KRT3: variants seen among roughly 807,000 people sequenced by gnomAD.
KRT3 encodes keratin 3.
A neutral mutation model predicts 45.8 loss-of-function variants in KRT3; 34 were observed. The ratio of observed to expected loss-of-function variants is 0.74; its 90% CI spans 0.57 to 0.99. The LOEUF (loss-of-function observed/expected upper bound fraction) is 0.99. Among genes scored for constraint, KRT3 ranks in the 50% least tolerant of loss-of-function variants. The probability of loss-of-function intolerance (pLI) is 0.00; values close to 1 mark genes in which losing one functional copy is unlikely to be tolerated. For synonymous variants in KRT3, 367 were observed against 329.0 expected, an observed-to-expected ratio of 1.12 and a Z score of -1.25; for missense variants, 828 against 820.6, an observed-to-expected ratio of 1.01 and a Z score of -0.11.
intron 4 of KRT3, 59 bp downstream of exon 4, chr12:52,792,652 C>T (rs1352821072): frequency 1.5e-6 from 2 of 1,310,488 alleles, no homozygotes; most frequent in East Asian, 2.3e-5. Context: ...ATGCACCAGC[C>T]TCAAATCTGG....
At chr12:52,792,634 A>C (rs1939547509) in intron 4 of KRT3, 77 bp downstream of exon 4, 1 of 1,137,968 alleles carries the variant, frequency 8.8e-7, no homozygotes, top group African/African-American at 1.5e-5. Flanking sequence ...TGGGGCCTAT[A>C]TACCAAAATG....
chr12:52,790,159 G>C lies in KRT3; in HGVS notation c.1770C>G (p.Gly590=). 5 of 1,547,932 alleles carry C rather than the reference G, an allele frequency of 3.2e-6. No homozygotes were observed. Among genetic ancestry groups the C allele is most frequent in the Non-Finnish European group, 4.4e-6 (5 of 1,146,816 alleles). ...CTCCATAGCGGGCGCCAGAGATGGA[G>C]CCAAAGCCGCTGCCACCGCTGAAAC... The part of the protein sequence containing the change: ...SSGFSGGSGF[G]SISGARYGVS... Residue 590 remains glycine, a synonymous_variant, in exon 9 of 9, where the codon GGC becomes GGG. Coordinates refer to ENST00000417996, the MANE Select transcript of KRT3 (RefSeq NM_057088.3).
Position 52,793,486 on chromosome 12 carries a change from T to C in KRT3, c.867-263A>G, listed in dbSNP as rs59299907. On this transcript the variant is annotated intron_variant, in intron 2 of 8. Coordinates refer to ENST00000417996, the MANE Select transcript of KRT3 (RefSeq NM_057088.3). ...CCCAGGCAAACCTCTGGATGGTTGATCACCATACCATGAGTTGTCCCAGAA... is the reference window on the plus strand; with the variant it reads ...CCCAGGCAAACCTCTGGATGGTTGACCACCATACCATGAGTTGTCCCAGAA... 7.5e-3 allele frequency among the ~76,000 whole-genome samples: 1,147 copies of C among 152,312 alleles called. 14 individuals are homozygous for C. The highest frequency in any genetic ancestry group is 0.026 in the African/African-American group (1,091 of 41,558).
Position 52,795,404 on chromosome 12 carries a change from A to G in KRT3, c.639T>C (p.Ile213=), listed in dbSNP as rs1331442527. The G allele has an allele frequency of 1.2e-6, 2 of 1,614,118 alleles. No homozygotes were observed. Among genetic ancestry groups the G allele is most frequent in the Non-Finnish European group, 1.7e-6 (2 of 1,180,018 alleles). The change falls in exon 1 of 9, where the codon ATT becomes ATC. Residue 213 remains isoleucine, a synonymous_variant. Transcript: ENST00000417996. ...KTLNNKFASF[I]DKVRFLEQQN... ...CCAGTCAAAGCTTCATTACCTTGTC[A>G]ATGAAGGAGGCAAACTTGTTGTTGA...
rs764590850 is a variant in KRT3 at position 52,791,760 on chromosome 12, C to T, written c.1245G>A (p.Lys415=). Residue 415 remains lysine (K), a synonymous_variant, in exon 6 of 9, where the codon AAG becomes AAA. Coordinates refer to ENST00000417996, the MANE Select transcript of KRT3 (RefSeq NM_057088.3). ...GRHGDDLRNT[K]SEIIELNRMI... is the part of the protein sequence containing the mutation. ...TTCTGTTGAGCTCTATGATCTCGCTCTTGGTATTTCTTAGGTCATCCCCAT... is the reference window on the plus strand; with the variant it reads ...TTCTGTTGAGCTCTATGATCTCGCTTTTGGTATTTCTTAGGTCATCCCCAT... 1.9e-6 allele frequency: 3 copies of T among 1,614,006 alleles called. No homozygotes were observed. Among genetic ancestry groups the T allele is most frequent in the African/African-American group, 2.7e-5 (2 of 74,908 alleles).
At chr12:52,792,844 T>G (rs757664364) in intron 3 of KRT3, 38 bp from the exon 4 acceptor site, 2 of 1,357,990 alleles carry the variant, frequency 1.5e-6, no homozygotes, top group Non-Finnish European at 2.1e-6. Flanking sequence ...ATTCTCCCAA[T>G]GAACAAACAG....
At position 52,795,582 on chromosome 12, in the gene KRT3, C is replaced by A; in HGVS notation, c.461G>T (p.Ser154Ile). 6.2e-7 allele frequency: 1 copy of A among 1,606,384 alleles called. No individual in the cohort carries two copies. The highest frequency in any genetic ancestry group is 8.5e-7 in the Non-Finnish European group (1 of 1,176,006). The change falls in exon 1 of 9, where the codon AGC (serine) becomes ATC (isoleucine). Residue 154 changes from serine (S) to isoleucine (I), a missense_variant. Transcript: ENST00000417996. ...GGSGGFGGPG[S>I]LGSPGGFGPG... The stretch of plus-strand genomic sequence containing the variant: ...GCCAAAGCCACCAGGACTGCCCAAG[C>A]TGCCAGGCCCACCAAAGCCACCAGA...
Position 52,789,987 on chromosome 12 carries a change from G to T in KRT3, c.*55C>A, listed in dbSNP as rs1479626078. Reference sequence around the variant, plus strand: ...GCGCTGGGGGTGTTGCCAATATGGGGGCGTGGGGAGCGGAGGGGAGGCGCT... The same window carrying T: ...GCGCTGGGGGTGTTGCCAATATGGGTGCGTGGGGAGCGGAGGGGAGGCGCT... On this transcript the variant is annotated 3_prime_UTR_variant, in exon 9 of 9. Transcript: ENST00000417996. The T allele has an allele frequency of 6.7e-7, 1 of 1,502,766 alleles. No homozygotes were observed. The highest frequency in any genetic ancestry group is 9.0e-7 in the Non-Finnish European group (1 of 1,115,542). 93.1% of individuals were successfully genotyped at this position (1,502,766 alleles called of 1,614,324 possible). A position where few individuals can be genotyped will look rare whatever the true frequency, so the allele number is the denominator to read the frequency against.
Position 52,792,789 on chromosome 12 carries a change from A to G in KRT3, c.945T>C (p.Tyr315=). Residue 315 remains tyrosine, a synonymous_variant, in exon 4 of 9, where the codon TAT becomes TAC. Transcript: ENST00000417996. ...VTLKKDVDSA[Y]MNKVELQAKV... ...TGGCCTGAAGCTCCACCTTGTTCATATAGGCACTGTCCACATCCTGAGAAA... is the reference window on the plus strand; with the variant it reads ...TGGCCTGAAGCTCCACCTTGTTCATGTAGGCACTGTCCACATCCTGAGAAA... The G allele has an allele frequency of 3.7e-6, 6 of 1,612,412 alleles. No individual in the cohort carries two copies. The highest frequency in any genetic ancestry group is 4.2e-6 in the Non-Finnish European group (5 of 1,178,434).
intron 4 of KRT3, 140 bp from the exon 5 acceptor site, chr12:52,792,543 T>A: frequency 1.0e-6 from 1 of 1,001,632 alleles, no homozygotes; most frequent in Non-Finnish European, 1.6e-6. Flanking sequence ...CCGCAGCCAC[T>A]CAGAGAACCC....
chr12:52,793,346 G>A (rs1340867735), intron 2 of KRT3, 123 bp from the exon 3 acceptor site: 5 of 651,082 alleles, frequency 7.7e-6, no homozygotes, highest in Admixed American at 2.4e-5. Context: ...CCTCTCAGAT[G>A]AGCACATCCT....
Position 52,791,432 on chromosome 12 carries a change from G to A in KRT3, c.1315-6C>T. 1 of 1,613,890 alleles carries A rather than the reference G, an allele frequency of 6.2e-7. No homozygotes were observed. Among genetic ancestry groups the A allele is most frequent in the Non-Finnish European group, 8.5e-7 (1 of 1,179,864 alleles). ...GCCGTCTGCAGGTTGGCATTCTGGGGCAAGGGAGGTAGGAGGAATGAGCTC... is the reference window on the plus strand; with the variant it reads ...GCCGTCTGCAGGTTGGCATTCTGGGACAAGGGAGGTAGGAGGAATGAGCTC... On this transcript the variant is annotated splice_region_variant and splice_polypyrimidine_tract_variant and intron_variant, in intron 6 of 8. Transcript: ENST00000417996.
At position 52,794,303 on chromosome 12, in the gene KRT3, A is replaced by G; in HGVS notation, c.674T>C (p.Val225Ala). 1 of 1,614,114 alleles carries G rather than the reference A, an allele frequency of 6.2e-7. No homozygotes were observed. Residue 225 changes from valine to alanine, a missense_variant, in exon 2 of 9, where the codon GTC becomes GCC. Physicochemically the swap from Val to Ala is moderately conservative, Grantham distance 64 (BLOSUM62 0). Transcript: ENST00000417996. Reference protein sequence around the residue: ...KVRFLEQQNKVLETKWNLLQQ... With the variant: ...KVRFLEQQNKALETKWNLLQQ... ...GAGCAGGTTCCACTTGGTCTCCAGG[A>G]CTTTGTTCTGTTGCTCCAGGAACCG...
Position 52,795,714 on chromosome 12 carries a change from C to A in KRT3, c.329G>T (p.Gly110Val). The change falls in exon 1 of 9, where the codon GGT (glycine) becomes GTT (valine). Residue 110 changes from glycine (G) to valine (V), a missense_variant. Gly to Val is a moderately radical substitution (Grantham distance 109, BLOSUM62 -3). Coordinates refer to ENST00000417996, the MANE Select transcript of KRT3 (RefSeq NM_057088.3). ...GCCACCTCCCATTCCTCTGCCACCA[C>A]CAAAGCCACCACCAAAGCCACCTCC... Reference protein sequence around the residue: ...GYGGGFGGGFGGGRGMGGGFG... With the variant: ...GYGGGFGGGFVGGRGMGGGFG... 1 of 1,612,616 alleles carries A rather than the reference C, an allele frequency of 6.2e-7. No homozygotes were observed. The highest frequency in any genetic ancestry group is 8.5e-7 in the Non-Finnish European group (1 of 1,179,036).
chr12:52,790,310 C>A lies in KRT3; in HGVS notation c.1619G>T (p.Gly540Val), dbSNP rs897897936. ...TTSASAGGYG[G>V]GYGGGMGGGL... Reference sequence around the variant, plus strand: ...ACCGCCCATGCCTCCGCCGTAACCTCCTCCATAGCCACCTGCGGAGGCGGA... The same window carrying A: ...ACCGCCCATGCCTCCGCCGTAACCTACTCCATAGCCACCTGCGGAGGCGGA... The change falls in exon 9 of 9, where the codon GGA becomes GTA. Residue 540 changes from glycine to valine, a missense_variant. Gly to Val is a moderately radical substitution (Grantham distance 109). Coordinates refer to ENST00000417996, the MANE Select transcript of KRT3 (RefSeq NM_057088.3). 4 of 1,578,036 alleles carry A rather than the reference C, an allele frequency of 2.5e-6. No homozygotes were observed. Among genetic ancestry groups the A allele is most frequent in the Non-Finnish European group, 2.6e-6 (3 of 1,161,590 alleles).
intron 8 of KRT3, 147 bp from the exon 9 acceptor site, chr12:52,790,505 A>G (rs1939467490): frequency 2.6e-6 from 2 of 775,976 alleles, no homozygotes; most frequent in Non-Finnish European, 4.0e-6. Flanking sequence ...TTCCAAGGCC[A>G]CTAGCTACTC....
chr12:52,790,715 C>T (rs1939471788), intron 8 of KRT3, 123 bp downstream of exon 8: 1 of 914,888 alleles, frequency 1.1e-6, no homozygotes, highest in Non-Finnish European at 1.8e-6. Flanking sequence ...TCACTTCCCT[C>T]TCCTCTCCCA....
chr12:52,794,967 C>T (rs1211528223), intron 1 of KRT3, among the ~76,000 whole-genome samples: 1 of 152,200 alleles, frequency 6.6e-6, no homozygotes, highest in African/African-American at 2.4e-5. Context: ...GGTAATCAGC[C>T]TCCTCTGCCT....
Position 52,792,777 on chromosome 12 carries a change from C to T in KRT3, c.957G>A (p.Val319=), listed in dbSNP as rs746415737. The change falls in exon 4 of 9, where the codon GTG becomes GTA. Residue 319 remains valine (V), a synonymous_variant. Transcript: ENST00000417996. Reference sequence around the variant, plus strand: ...AGGCATCCACTTTGGCCTGAAGCTCCACCTTGTTCATATAGGCACTGTCCA... The same window carrying T: ...AGGCATCCACTTTGGCCTGAAGCTCTACCTTGTTCATATAGGCACTGTCCA... ...KDVDSAYMNK[V]ELQAKVDALI... The T allele has an allele frequency of 3.7e-6, 6 of 1,613,486 alleles. No homozygotes were observed. Among genetic ancestry groups the T allele is most frequent in the East Asian group, 2.2e-5 (1 of 44,882 alleles).
Sources: allele counts gnomAD v4.1 joint callset (sites outside exome capture counted in the v4.1 genomes callset), GRCh38; gene constraint gnomAD v4.1.1; transcripts MANE v1.5; gene names NCBI Gene and HGNC (gene_info 2026-07-23, HGNC 2026-07-21).